Variants in TENM3 observed in about 807,000 individuals in gnomAD.
The protein encoded by TENM3 is teneurin transmembrane protein 3.
In TENM3, 63 loss-of-function variants were observed where a neutral mutation model predicts 255.1. That is an observed-to-expected ratio of 0.25 (90% CI 0.20 to 0.30). The LOEUF is 0.30. Ranked by LOEUF, TENM3 falls within the 10% of genes least tolerant of loss-of-function variation. The pLI is 1.00. For missense variants in TENM3, 2,929 were observed against 3,461.1 expected (o/e 0.85, Z 3.86); for synonymous variants, 1,306 against 1,322.3 (o/e 0.99, Z 0.27).
chr4:182,576,403 A>G (rs113040305), intron 3 of TENM3, among the ~76,000 whole-genome samples: 1,636 of 152,354 alleles, frequency 0.011, 37 homozygotes, highest in African/African-American at 0.037. Context: ...ATGCACTCAT[A>G]AGAAAAAAAT....
intron 1 of TENM3, among the ~76,000 whole-genome samples, chr4:182,165,334 GA>G (rs1751633022): frequency 6.6e-6 from 1 of 152,204 alleles, no homozygotes; most frequent in South Asian, 2.1e-4. Flanking sequence ...GGAATTTGCT[GA>G]GGACCAAAAA....
chr4:181,492,505 G>C, the TENM3 span, among the ~76,000 whole-genome samples: 1 of 152,204 alleles, frequency 6.6e-6, no homozygotes, highest in Non-Finnish European at 1.5e-5. Flanking sequence ...TAGCAGTCTA[G>C]TTCTGGCAAG....
At chr4:182,390,700 G>A (rs1016607143) in intron 3 of TENM3, among the ~76,000 whole-genome samples, 25 of 152,242 alleles carry the variant, frequency 1.6e-4, no homozygotes, top group Middle Eastern at 3.4e-3. Flanking sequence ...GCACACTGCC[G>A]TCCCCATCTC....
the TENM3 span, among the ~76,000 whole-genome samples, chr4:181,758,670 A>C: frequency 6.6e-6 from 1 of 152,222 alleles, no homozygotes; most frequent in African/African-American, 2.4e-5. Flanking sequence ...CCCAACTTTG[A>C]GCTAAGTGCA....
At chr4:181,810,343 G>A in the TENM3 span, among the ~76,000 whole-genome samples, 2 of 152,262 alleles carry the variant, frequency 1.3e-5, no homozygotes, top group African/African-American at 4.8e-5. Context: ...AGGCAAGCAG[G>A]TTTCTGGAAC....
At chr4:181,677,827 CATT>C in the TENM3 span, among the ~76,000 whole-genome samples, 1 of 152,102 alleles carries the variant, frequency 6.6e-6, no homozygotes, top group Admixed American at 6.6e-5. Context: ...GGTCCAGACT[CATT>C]AGCCTTATTT....
the TENM3 span, among the ~76,000 whole-genome samples, chr4:181,502,408 G>C: frequency 6.6e-6 from 1 of 152,198 alleles, no homozygotes; most frequent in South Asian, 2.1e-4. Context: ...AGAAAGCTGT[G>C]TGAGCCACAA....
chr4:182,206,885 T>A (rs1431077202), intron 1 of TENM3, among the ~76,000 whole-genome samples: 1 of 152,202 alleles, frequency 6.6e-6, no homozygotes, highest in African/African-American at 2.4e-5. Context: ...TTTCTTTCTC[T>A]CTCTTTTTAA....
chr4:181,701,019 G>C, the TENM3 span, among the ~76,000 whole-genome samples: 90 of 152,258 alleles, frequency 5.9e-4, no homozygotes, highest in Admixed American at 5.4e-3. Flanking sequence ...CTTTACTACA[G>C]AGGTGAAAGT....
At chr4:181,700,214 T>A in the TENM3 span, among the ~76,000 whole-genome samples, 1 of 129,768 alleles carries the variant, frequency 7.7e-6, no homozygotes, top group Non-Finnish European at 1.6e-5. Context: ...GTTTGATTTT[T>A]ATTTTATTTC....
the TENM3 span, among the ~76,000 whole-genome samples, chr4:181,587,907 C>G: frequency 6.6e-6 from 1 of 152,084 alleles, no homozygotes; most frequent in Non-Finnish European, 1.5e-5. Flanking sequence ...ACTCTGGGAC[C>G]TGCAGCCATG....
intron 4 of TENM3, among the ~76,000 whole-genome samples, chr4:182,621,617 AT>A (rs1295175585): frequency 0.013 from 1,296 of 102,330 alleles, 51 homozygotes; most frequent in South Asian, 0.016. Flanking sequence ...ATATATAAAT[AT>A]ATATATAAAA....
chr4:181,895,263 G>A, the TENM3 span, among the ~76,000 whole-genome samples: 1 of 151,932 alleles, frequency 6.6e-6, no homozygotes, highest in African/African-American at 2.4e-5. Flanking sequence ...ATCTTTTAGT[G>A]AGGGCCTAAA....
chr4:182,202,782 G>T (rs946049373), intron 1 of TENM3, among the ~76,000 whole-genome samples: 4 of 152,178 alleles, frequency 2.6e-5, no homozygotes, highest in African/African-American at 9.7e-5. Flanking sequence ...GCAGGCAGAG[G>T]GGAAGTGCAG....
At chr4:181,648,791 G>A in the TENM3 span, among the ~76,000 whole-genome samples, 1 of 152,110 alleles carries the variant, frequency 6.6e-6, no homozygotes, top group Non-Finnish European at 1.5e-5. Context: ...CTCTGGGTGT[G>A]TTACCAGCAA....
chr4:182,119,311 A>C, the TENM3 span, among the ~76,000 whole-genome samples: 2,789 of 152,226 alleles, frequency 0.018, 72 homozygotes, highest in African/African-American at 0.063. Context: ...TTTCTCCTAT[A>C]TACACCAGGA....
the TENM3 span, among the ~76,000 whole-genome samples, chr4:181,794,662 A>G: frequency 1.2e-5 from 1 of 84,672 alleles, no homozygotes; most frequent in South Asian, 4.7e-4. Context: ...GCTGAATAAT[A>G]TCCCTGTGTG....
intron 1 of TENM3, among the ~76,000 whole-genome samples, chr4:182,310,186 A>C (rs1762361242): frequency 6.6e-6 from 1 of 151,958 alleles, no homozygotes; most frequent in South Asian, 2.1e-4. Context: ...AGAACTTGTT[A>C]TTTCAGAAGC....
the TENM3 span, among the ~76,000 whole-genome samples, chr4:181,999,486 A>T: frequency 1.3e-5 from 2 of 152,208 alleles, no homozygotes; most frequent in African/African-American, 4.8e-5. Context: ...ATGAGGAAGA[A>T]TATTATGTGT....
Sources: allele counts gnomAD v4.1 joint callset (sites outside exome capture counted in the v4.1 genomes callset), GRCh38; gene constraint gnomAD v4.1.1; transcripts MANE v1.5; gene names NCBI Gene and HGNC (gene_info 2026-07-23, HGNC 2026-07-21).